The following NT5DC4 variants were observed in gnomAD, a reference collection of about 807,000 sequenced individuals.
NT5DC4 encodes the protein 5'-nucleotidase domain containing 4, also known as 5'-nucleotidase domain-containing protein 4.
NT5DC4 carries 44 observed loss-of-function variants against 26.6 expected under a neutral mutation model. The ratio of observed to expected loss-of-function variants is 1.65; its 90% CI spans 1.30 to 2.13. NT5DC4 has a LOEUF of 2.13. NT5DC4 is among the 30% of genes most tolerant of loss of function. The pLI, the probability that NT5DC4 is intolerant of heterozygous loss-of-function variation, is 0.00. For synonymous variants in NT5DC4, 157 were observed against 86.7 expected, an observed-to-expected ratio of 1.81 and a Z score of -4.51; for missense variants, 399 against 228.1, an observed-to-expected ratio of 1.75 and a Z score of -4.83.
Position 112,722,490 on chromosome 2 carries a change from C to T in NT5DC4, c.370C>T (p.Leu124Phe), listed in dbSNP as rs1442354240. 1 of 717,300 alleles carries T rather than the reference C, an allele frequency of 1.4e-6. No homozygotes were observed. Among genetic ancestry groups the T allele is most frequent in the South Asian group, 1.5e-5 (1 of 67,600 alleles). 44.4% of individuals were successfully genotyped at this position (717,300 alleles called of 1,614,324 possible). A position where few individuals can be genotyped will look rare whatever the true frequency, so the allele number is the denominator to read the frequency against. ...YGFTFLSDLP[L>F]LRAEIWSFYP... ...GTCATTGGCTGCACCCAGCCTACCC[C>T]TCCTCAGGGCAGAGATCTGGAGCTT... The change falls in exon 5 of 17, where the codon CTC becomes TTC. Residue 124 changes from leucine (L) to phenylalanine (F), a missense_variant. By Grantham distance (22) the Leu-to-Phe change is conservative. Coordinates refer to ENST00000688554, the MANE Select transcript of NT5DC4 (RefSeq NM_001393655.1).
At chr2:112,727,230 G>C (rs768486668) in intron 15 of NT5DC4, 1 of 195,218 alleles carries the variant, frequency 5.1e-6, no homozygotes, top group Non-Finnish European at 1.1e-5. Flanking sequence ...AGCTGGGGCC[G>C]ATCACAAAGG....
chr2:112,720,268 T>C (rs1371332229), upstream of NT5DC4, among the ~76,000 whole-genome samples: 1 of 150,988 alleles, frequency 6.6e-6, no homozygotes, highest in Non-Finnish European at 1.5e-5. Context: ...GGTTTCACCA[T>C]CTTGGCCAGG....
intron 15 of NT5DC4, chr2:112,727,094 G>C (rs1311290582): frequency 3.4e-6 from 1 of 293,378 alleles, no homozygotes; most frequent in East Asian, 6.7e-5. Context: ...GTGAGCCCAG[G>C]GTCCTTGGAA....
At chr2:112,719,924 C>CTCTTTCTTTCTTTCTTTTTTTCTTTCTT (rs1676693893), upstream of NT5DC4, among the ~76,000 whole-genome samples, 2 of 69,124 alleles carry the variant, frequency 2.9e-5, no homozygotes, top group African/African-American at 1.3e-4. Context: ...TTCTTTCTTT[C>CTCTTTCTTTCTTTCTTTTTTTCTTTCTT]TCTTTCTTTC....
chr2:112,741,127 A>G (rs1363678361), downstream of NT5DC4: 6 of 702,574 alleles, frequency 8.5e-6, no homozygotes, highest in East Asian at 7.7e-5. Context: ...TGGGCTCCAC[A>G]TACTGAATAG....
At chr2:112,732,157 T>C (rs998185325) in intron 16 of NT5DC4, among the ~76,000 whole-genome samples, 3 of 152,138 alleles carry the variant, frequency 2.0e-5, no homozygotes, top group Admixed American at 6.6e-5. Flanking sequence ...GTGATCCGCC[T>C]GCCTCGGCCT....
rs1676817279 is a variant in NT5DC4 at position 112,721,025 on chromosome 2, T to C, written c.-55T>C. On this transcript the variant is annotated 5_prime_UTR_variant, in exon 1 of 17. Coordinates refer to ENST00000688554, the MANE Select transcript of NT5DC4 (RefSeq NM_001393655.1). ...GAGGAGAGTGGCTGGGCCCCACTGA[T>C]AGTGTGCAGGAGGCTGAGGAAGGGA... Among the ~76,000 whole-genome samples, 1 of 152,120 alleles carries C rather than the reference T, an allele frequency of 6.6e-6. No homozygotes were observed.
chr2:112,721,460 G>A, intron 1 of NT5DC4: 1 of 717,676 alleles, frequency 1.4e-6, no homozygotes. Flanking sequence ...TTTGGACACT[G>A]GGGTCCCATT....
At chr2:112,742,080 G>A (rs994259270), downstream of NT5DC4, among the ~76,000 whole-genome samples, 1 of 151,174 alleles carries the variant, frequency 6.6e-6, no homozygotes, top group Non-Finnish European at 1.5e-5. Flanking sequence ...GTGAGCTACC[G>A]TATGCAGCCT....
chr2:112,719,941 TCTTTC>T (rs1558714998), upstream of NT5DC4, among the ~76,000 whole-genome samples: 5 of 92,204 alleles, frequency 5.4e-5, no homozygotes, highest in Non-Finnish European at 1.1e-4. Flanking sequence ...TTTCTTTCTT[TCTTTC>T]TTTCTTTCTT....
chr2:112,739,902 C>A (rs1679765673), downstream of NT5DC4, among the ~76,000 whole-genome samples: 2 of 152,154 alleles, frequency 1.3e-5, no homozygotes, highest in South Asian at 4.1e-4. Flanking sequence ...AATCCTCCTG[C>A]CTCGGCCTAC....
intron 16 of NT5DC4, among the ~76,000 whole-genome samples, chr2:112,736,277 G>C (rs1679157481): frequency 6.6e-6 from 1 of 152,148 alleles, no homozygotes; most frequent in South Asian, 2.1e-4. Flanking sequence ...CCTATGTTCA[G>C]ATTTTGTGAT....
intron 13 of NT5DC4, 29 bp downstream of exon 13, chr2:112,725,581 A>AG: frequency 1.5e-6 from 1 of 672,254 alleles, no homozygotes; most frequent in South Asian, 1.6e-5. Context: ...GAACAGTCAG[A>AG]GGGGCACTGG....
At chr2:112,740,843 T>C, downstream of NT5DC4, 10 of 1,611,924 alleles carry the variant, frequency 6.2e-6, no homozygotes, top group Non-Finnish European at 8.5e-6. Context: ...ATCTGTAATT[T>C]GATACCAGGA....
intron 7 of NT5DC4, 58 bp from the exon 8 acceptor site, chr2:112,723,360 T>TTCACACACACACAC (rs1677195950): frequency 5.2e-6 from 1 of 191,964 alleles, no homozygotes. Flanking sequence ...TGGGTACACA[T>TTCACACACACACAC]GCACACACAC....
At chr2:112,722,936 G>A (rs1187119500) in intron 6 of NT5DC4, 145 bp from the exon 7 acceptor site, 14 of 356,242 alleles carry the variant, frequency 3.9e-5, no homozygotes, top group Non-Finnish European at 1.0e-5. Context: ...TTAGCTCTGG[G>A]TGATGCCCCT....
chr2:112,731,236 T>A (rs1194046994), intron 16 of NT5DC4: 1 of 151,856 alleles, frequency 6.6e-6, no homozygotes, highest in Non-Finnish European at 1.5e-5. Flanking sequence ...TGAAATCTCC[T>A]AAATGCAGCA....
At chr2:112,722,440 G>A in intron 4 of NT5DC4, 43 bp from the exon 5 acceptor site, 2 of 716,666 alleles carry the variant, frequency 2.8e-6, no homozygotes, top group East Asian at 5.4e-5. Context: ...AGCCTGGACA[G>A]GCCTCCAGGA....
downstream of NT5DC4, among the ~76,000 whole-genome samples, chr2:112,739,523 G>C (rs1478703783): frequency 6.6e-6 from 1 of 152,078 alleles, no homozygotes; most frequent in African/African-American, 2.4e-5. Flanking sequence ...TATGAAGTGT[G>C]GTTTTTATTT....
Sources: allele counts gnomAD v4.1 joint callset (sites outside exome capture counted in the v4.1 genomes callset), GRCh38; gene constraint gnomAD v4.1.1; transcripts MANE v1.5; gene names NCBI Gene and HGNC (gene_info 2026-07-23, HGNC 2026-07-21).